Variants in CNTLN observed in about 807,000 individuals in gnomAD.
CNTLN encodes centlein, centrosomal protein.
In CNTLN, 212 loss-of-function variants were observed where a neutral mutation model predicts 180.0. The ratio of observed to expected loss-of-function variants is 1.18; its 90% CI spans 1.05 to 1.32. The LOEUF is 1.32. Ranked by LOEUF, CNTLN falls within the 40% of genes most tolerant of loss-of-function variation. The probability of loss-of-function intolerance (pLI) is 0.00; values close to 1 mark genes in which losing one functional copy is unlikely to be tolerated. For synonymous variants in CNTLN, 722 were observed against 563.1 expected (o/e 1.28, Z -3.99); for missense variants, 2,095 against 1,610.9 (o/e 1.30, Z -5.14).
At chr9:17,230,322 G>T (rs1183948519) in intron 3 of CNTLN, among the ~76,000 whole-genome samples, 2 of 152,104 alleles carry the variant, frequency 1.3e-5, no homozygotes, top group African/African-American at 4.8e-5. Context: ...TTTAATAGTT[G>T]CTATTTAAAC....
chr9:17,251,999 C>G (rs1378103263), intron 5 of CNTLN, among the ~76,000 whole-genome samples: 1 of 151,774 alleles, frequency 6.6e-6, no homozygotes, highest in Non-Finnish European at 1.5e-5. Context: ...ATTTGTCTTT[C>G]TCTGCCTGCC....
In CNTLN at chr9:17,339,587, C is replaced by T. The variant is rs3824393; in HGVS notation, c.1645-1240C>T. Among the ~76,000 whole-genome samples, 2,645 of 152,274 alleles carry T rather than the reference C, an allele frequency of 0.017. 151 individuals carry two copies. The East Asian group carries it at 0.22, about 13-fold the overall frequency. On this transcript the variant is annotated intron_variant, in intron 10 of 25. Transcript: ENST00000380647. ...TTCAGATCTTTCTGATTACCATATG[C>T]CTACTCATATCACCTCACTATAATA...
intron 13 of CNTLN, among the ~76,000 whole-genome samples, chr9:17,375,747 T>C (rs945315251): frequency 2.0e-5 from 3 of 152,198 alleles, no homozygotes; most frequent in South Asian, 2.1e-4. Flanking sequence ...AGAAGGAAAT[T>C]TGGAGATCTT....
chr9:17,423,323 T>C (rs1250772814), intron 18 of CNTLN, among the ~76,000 whole-genome samples: 1 of 152,182 alleles, frequency 6.6e-6, no homozygotes, highest in Non-Finnish European at 1.5e-5. Flanking sequence ...GGTTCTCTTC[T>C]GGCCCAGGGT....
At chr9:17,271,241 C>T (rs911146991) in intron 5 of CNTLN, among the ~76,000 whole-genome samples, 1 of 151,974 alleles carries the variant, frequency 6.6e-6, no homozygotes, top group Non-Finnish European at 1.5e-5. Context: ...GCGCCCAGCA[C>T]TATTTTTGTT....
intron 6 of CNTLN, among the ~76,000 whole-genome samples, chr9:17,294,605 C>A (rs1173151880): frequency 1.3e-5 from 2 of 150,072 alleles, no homozygotes; most frequent in Non-Finnish European, 3.0e-5. Flanking sequence ...GACTCAGGAG[C>A]CCAGCTGGCT....
chr9:17,247,673 A>C lies in CNTLN; in HGVS notation c.849+11085A>C, dbSNP rs75051285. On this transcript the variant is annotated intron_variant, in intron 5 of 25. Coordinates refer to ENST00000380647, the MANE Select transcript of CNTLN (RefSeq NM_017738.4). The stretch of plus-strand genomic sequence containing the variant: ...TAGTTGTTCAATATGGTGTTCGTGC[A>C]TGGAGAATGATTGCTTGAGGCTTCT... Among the ~76,000 whole-genome samples the C allele has an allele frequency of 0.018, 2,784 of 152,092 alleles. 176 individuals are homozygous for C. The East Asian group carries it at 0.25, about 13-fold the overall frequency.
chr9:17,335,606 A>G (rs190582670), intron 10 of CNTLN, among the ~76,000 whole-genome samples: 27 of 152,088 alleles, frequency 1.8e-4, no homozygotes, highest in African/African-American at 5.1e-4. Flanking sequence ...CCTGTTTTCT[A>G]TTTCCTAATG....
the CNTLN span, among the ~76,000 whole-genome samples, chr9:17,522,292 G>A: frequency 3.3e-5 from 5 of 151,842 alleles, no homozygotes; most frequent in Non-Finnish European, 5.9e-5. Context: ...ACCGATTGTC[G>A]AGCTGTGTAT....
In CNTLN at chr9:17,309,525, A is replaced by G. The variant is rs112950616; in HGVS notation, c.1341+273A>G. Among the ~76,000 whole-genome samples the G allele has an allele frequency of 6.6e-5, 10 of 152,152 alleles. 1 individual carries two copies. The highest frequency in any genetic ancestry group is 2.4e-4 in the African/African-American group (10 of 41,544). On this transcript the variant is annotated intron_variant, in intron 8 of 25. Coordinates refer to ENST00000380647, the MANE Select transcript of CNTLN (RefSeq NM_017738.4). ...GGCTGATATACATTATTGAAAAGCAAATTAATAGGTCATGCCCATTTTGAG... is the reference window on the plus strand; with the variant it reads ...GGCTGATATACATTATTGAAAAGCAGATTAATAGGTCATGCCCATTTTGAG...
chr9:17,193,778 G>A (rs1417909316), intron 2 of CNTLN, among the ~76,000 whole-genome samples: 1 of 152,190 alleles, frequency 6.6e-6, no homozygotes, highest in Non-Finnish European at 1.5e-5. Flanking sequence ...TCTGTATGGG[G>A]GCTCCGATTC....
intron 15 of CNTLN, among the ~76,000 whole-genome samples, chr9:17,401,487 C>G (rs972881446): frequency 2.7e-5 from 4 of 148,494 alleles, no homozygotes; most frequent in African/African-American, 1.0e-4. Flanking sequence ...TACCTTCTAC[C>G]TCAGTCTCCT....
rs771708016 is a variant in CNTLN at position 17,143,322 on chromosome 9, G to A, written c.395G>A (p.Arg132His). 3 of 1,613,460 alleles carry A rather than the reference G, an allele frequency of 1.9e-6. No homozygotes were observed. Among genetic ancestry groups the A allele is most frequent in the Non-Finnish European group, 2.5e-6 (3 of 1,179,632 alleles). ...DKEFVWSLWK[R>H]LQVTNPDLTQ... Reference sequence around the variant, plus strand: ...GAATTTGTATGGTCTTTGTGGAAACGTCTCCAGGTTACAAACCCAGATCTC... The same window carrying A: ...GAATTTGTATGGTCTTTGTGGAAACATCTCCAGGTTACAAACCCAGATCTC... The change falls in exon 2 of 26, where the codon CGT (arginine) becomes CAT (histidine). Residue 132 changes from arginine to histidine, a missense_variant. Coordinates refer to ENST00000380647, the MANE Select transcript of CNTLN (RefSeq NM_017738.4).
In CNTLN at chr9:17,484,467, C is replaced by T. The variant is rs780628281; in HGVS notation, c.4028C>T (p.Thr1343Ile). 1.9e-6 allele frequency: 3 copies of T among 1,597,434 alleles called. No individual in the cohort carries two copies. In the East Asian group the frequency reaches 6.7e-5, roughly 36 times the overall value. The change falls in exon 24 of 26, where the codon ACA (threonine) becomes ATA (isoleucine). Residue 1343 changes from threonine to isoleucine, a missense_variant. Physicochemically the swap from Thr to Ile is moderately conservative, Grantham distance 89. Coordinates refer to ENST00000380647, the MANE Select transcript of CNTLN (RefSeq NM_017738.4). ...SRSDLEEILD[T>I]EDQVEIEKTK... Reference sequence around the variant, plus strand: ...TCAGATTTAGAGGAAATATTAGACACAGAAGATCAAGTGGTAAGATCATTT... The same window carrying T: ...TCAGATTTAGAGGAAATATTAGACATAGAAGATCAAGTGGTAAGATCATTT...
intron 2 of CNTLN, among the ~76,000 whole-genome samples, chr9:17,209,668 A>C (rs911244511): frequency 4.6e-5 from 7 of 152,190 alleles, no homozygotes; most frequent in Non-Finnish European, 8.8e-5. Context: ...TTATTGTATA[A>C]TGAGCTTGTC....
intron 12 of CNTLN, among the ~76,000 whole-genome samples, chr9:17,351,912 T>C (rs1822397218): frequency 6.6e-6 from 1 of 152,184 alleles, no homozygotes; most frequent in African/African-American, 2.4e-5. Context: ...ATTTCTGCTT[T>C]CCCTTTTGTT....
At chr9:17,511,453 C>T in the CNTLN span, among the ~76,000 whole-genome samples, 13 of 152,150 alleles carry the variant, frequency 8.5e-5, no homozygotes, top group Non-Finnish European at 1.5e-4. Flanking sequence ...CTGCAGTCAT[C>T]GCAAGGCTTG....
chr9:17,438,393 C>T (rs1967356), intron 18 of CNTLN, among the ~76,000 whole-genome samples: 126,299 of 152,040 alleles, frequency 0.83, 52,686 homozygotes, highest in East Asian at 0.91. Flanking sequence ...GTTTGATGAC[C>T]AATTGCATAT....
Position 17,342,421 on chromosome 9 carries a change from A to C in CNTLN, c.1863A>C (p.Glu621Asp). 6.2e-7 allele frequency: 1 copy of C among 1,607,258 alleles called. No homozygotes were observed. Residue 621 changes from glutamate (E) to aspartate (D), a missense_variant, in exon 12 of 26, where the codon GAA becomes GAC. Physicochemically the swap from Glu to Asp is conservative, Grantham distance 45. Coordinates refer to ENST00000380647, the MANE Select transcript of CNTLN (RefSeq NM_017738.4). ...ATGAACTGGCATATTTCAAAAGGGA[A>C]AACCAGGAGCTAATGATTCAAAAGT... ...VWNELAYFKR[E>D]NQELMIQKMN...
Sources: allele counts gnomAD v4.1 joint callset (sites outside exome capture counted in the v4.1 genomes callset), GRCh38; gene constraint gnomAD v4.1.1; transcripts MANE v1.5; gene names NCBI Gene and HGNC (gene_info 2026-07-23, HGNC 2026-07-21).